Variants in NEGR1 observed in about 807,000 individuals in gnomAD.
The protein encoded by NEGR1 is neuronal growth regulator 1.
In NEGR1, 10 loss-of-function variants were observed where a neutral mutation model predicts 40.9. The observed-to-expected ratio is 0.24, with a 90% confidence interval of 0.15 to 0.42. NEGR1 has a LOEUF of 0.42. NEGR1 is among the 10% of genes least tolerant of loss of function. NEGR1 has a pLI of 1.00. For synonymous variants in NEGR1, 185 were observed against 166.8 expected, an observed-to-expected ratio of 1.11 and a Z score of -0.84; for missense variants, 352 against 438.9, an observed-to-expected ratio of 0.80 and a Z score of 1.77.
chr1:72,019,138 T>C (rs1343284778), intron 1 of NEGR1, among the ~76,000 whole-genome samples: 1 of 152,144 alleles, frequency 6.6e-6, no homozygotes, highest in Non-Finnish European at 1.5e-5. Flanking sequence ...TTATTAGGCT[T>C]AAGCAATGGA....
At chr1:71,770,393 T>A (rs980736412) in intron 3 of NEGR1, among the ~76,000 whole-genome samples, 6 of 152,224 alleles carry the variant, frequency 3.9e-5, no homozygotes, top group Non-Finnish European at 8.8e-5. Context: ...GGTCTTATTG[T>A]GGTTTAGAAG....
At chr1:72,013,240 C>A (rs1216384463) in intron 1 of NEGR1, among the ~76,000 whole-genome samples, 2 of 152,028 alleles carry the variant, frequency 1.3e-5, no homozygotes, top group East Asian at 1.9e-4. Context: ...GGGAAAAAAT[C>A]CATCCAGATG....
chr1:71,820,444 G>A (rs1658386587), intron 2 of NEGR1, among the ~76,000 whole-genome samples: 1 of 151,956 alleles, frequency 6.6e-6, no homozygotes, highest in Non-Finnish European at 1.5e-5. Flanking sequence ...AGGGATTATG[G>A]CCATTTGATT....
Position 71,737,847 on chromosome 1 carries a change from C to T in NEGR1, c.535+38325G>A, listed in dbSNP as rs537663953. 1.2e-4 allele frequency among the ~76,000 whole-genome samples: 19 copies of T among 152,292 alleles called. 1 individual carries two copies. The highest frequency in any genetic ancestry group is 4.6e-4 in the African/African-American group (19 of 41,572). ...TATTTCTCCACAGGTAATGCCCCCT[C>T]TTTCTTTGTGACCCAATTTTAGGAT... is the stretch of plus-strand genomic sequence containing the variant. On this transcript the variant is annotated intron_variant, in intron 3 of 6. Coordinates refer to ENST00000357731, the MANE Select transcript of NEGR1 (RefSeq NM_173808.3).
At chr1:71,520,603 T>C (rs774702353) in intron 6 of NEGR1, among the ~76,000 whole-genome samples, 1 of 152,098 alleles carries the variant, frequency 6.6e-6, no homozygotes, top group Non-Finnish European at 1.5e-5. Flanking sequence ...AACCCTTTTT[T>C]GGTTATTCAG....
chr1:71,565,151 G>A (rs1001475920), intron 6 of NEGR1, among the ~76,000 whole-genome samples: 12 of 152,102 alleles, frequency 7.9e-5, no homozygotes, highest in African/African-American at 1.9e-4. Flanking sequence ...GTGGTTCCTC[G>A]TAGGAAGCCA....
chr1:72,007,280 C>CTTTT (rs945839182), intron 1 of NEGR1, among the ~76,000 whole-genome samples: 1 of 151,200 alleles, frequency 6.6e-6, no homozygotes, highest in Non-Finnish European at 1.5e-5. Context: ...GTTTGAAGTT[C>CTTTT]TTTTTTGAAA....
At chr1:71,660,381 G>A (rs72677184) in intron 4 of NEGR1, among the ~76,000 whole-genome samples, 55,600 of 151,754 alleles carry the variant, frequency 0.37, 12,030 homozygotes, top group Middle Eastern at 0.5. Context: ...TGGATACTGA[G>A]CTTAATACCT....
intron 1 of NEGR1, among the ~76,000 whole-genome samples, chr1:72,234,865 A>T (rs917268401): frequency 3.9e-5 from 6 of 152,148 alleles, no homozygotes; most frequent in African/African-American, 1.4e-4. Flanking sequence ...CCATTGTGGA[A>T]GACAGAGTGG....
intron 2 of NEGR1, among the ~76,000 whole-genome samples, chr1:71,873,116 A>G (rs1027960693): frequency 5.9e-4 from 68 of 114,726 alleles, no homozygotes; most frequent in Non-Finnish European, 1.1e-3. Context: ...CTAAAGATGT[A>G]GCAAAAAAAA....
chr1:72,281,736 A>G (rs1656260370), intron 1 of NEGR1, among the ~76,000 whole-genome samples: 3 of 152,138 alleles, frequency 2.0e-5, no homozygotes, highest in African/African-American at 7.2e-5. Flanking sequence ...CAGAAAATAG[A>G]AAAGGTATGA....
chr1:72,062,873 A>C (rs1299419983), intron 1 of NEGR1, among the ~76,000 whole-genome samples: 2 of 151,924 alleles, frequency 1.3e-5, no homozygotes, highest in African/African-American at 2.4e-5. Flanking sequence ...CAATTAAGAA[A>C]TGGATAGCCA....
chr1:71,910,122 T>C (rs1206451350), intron 2 of NEGR1, among the ~76,000 whole-genome samples: 1 of 152,188 alleles, frequency 6.6e-6, no homozygotes, highest in Admixed American at 6.5e-5. Context: ...GTCAGCCAAG[T>C]AATATTCAGT....
chr1:72,210,289 C>T (rs763561929), intron 1 of NEGR1, among the ~76,000 whole-genome samples: 25 of 151,714 alleles, frequency 1.6e-4, no homozygotes, highest in Middle Eastern at 3.2e-3. Context: ...TGGCATAGTG[C>T]GACATCACTG....
intron 1 of NEGR1, among the ~76,000 whole-genome samples, chr1:72,265,187 C>T (rs1331765926): frequency 1.3e-5 from 2 of 150,938 alleles, no homozygotes; most frequent in East Asian, 1.9e-4. Context: ...TTTAATTATG[C>T]ATAACTGATG....
intron 5 of NEGR1, among the ~76,000 whole-genome samples, chr1:71,600,387 G>T (rs1649876464): frequency 6.6e-6 from 1 of 152,184 alleles, no homozygotes; most frequent in Admixed American, 6.5e-5. Flanking sequence ...AGTTTAATCA[G>T]TGCTTGTTAG....
At chr1:72,199,144 G>GAT (rs1420512517) in intron 1 of NEGR1, among the ~76,000 whole-genome samples, 28 of 140,164 alleles carry the variant, frequency 2.0e-4, no homozygotes, top group Non-Finnish European at 2.6e-4. Flanking sequence ...TATCTAGATA[G>GAT]ACAGACAGAG....
intron 3 of NEGR1, among the ~76,000 whole-genome samples, chr1:71,721,655 G>A (rs967978698): frequency 6.6e-6 from 1 of 152,018 alleles, no homozygotes; most frequent in Non-Finnish European, 1.5e-5. Context: ...AGCATCTGTG[G>A]CATCTATCAT....
intron 4 of NEGR1, among the ~76,000 whole-genome samples, chr1:71,673,817 A>G (rs569689944): frequency 6.6e-6 from 1 of 151,572 alleles, no homozygotes; most frequent in East Asian, 2.0e-4. Context: ...TTTACTAACG[A>G]ATAAATATTT....
Sources: gnomAD v4.1 joint callset for allele counts (sites outside exome capture counted in the v4.1 genomes callset) on GRCh38, gnomAD v4.1.1 for gene constraint, MANE v1.5 for transcripts, NCBI Gene and HGNC (gene_info 2026-07-23, HGNC 2026-07-21) for gene names.